KCTD9: variants seen among roughly 807,000 people sequenced by gnomAD.
KCTD9 encodes the protein BTB/POZ domain-containing protein KCTD9.
KCTD9 carries 17 observed loss-of-function variants against 53.3 expected under a neutral mutation model. That is an observed-to-expected ratio of 0.32 (90% CI 0.22 to 0.48). The LOEUF (loss-of-function observed/expected upper bound fraction) is 0.48, where lower values mean the gene tolerates loss of function less well. Ranked by LOEUF, KCTD9 falls within the 20% of genes least tolerant of loss-of-function variation. The pLI is 0.99. For missense variants in KCTD9, 179 were observed against 465.5 expected, an observed-to-expected ratio of 0.38 and a Z score of 5.66; for synonymous variants, 128 against 162.7, an observed-to-expected ratio of 0.79 and a Z score of 1.62.
At chr8:25,432,786 A>T (rs1037654309) in intron 10 of KCTD9, 149 bp from the exon 11 acceptor site, 3 of 649,594 alleles carry the variant, frequency 4.6e-6, no homozygotes, top group Non-Finnish European at 7.9e-6. Flanking sequence ...ATATATAAAC[A>T]GTTTACTGAT....
At chr8:25,458,061 T>TCCCCGAGCGC in intron 1 of KCTD9, 138 bp downstream of exon 1, 1 of 811,616 alleles carries the variant, frequency 1.2e-6, no homozygotes, top group Non-Finnish European at 1.9e-6. Context: ...CCCTGTGCTG[T>TCCCCGAGCGC]CCCCGAGCGC....
At chr8:25,441,501 AAAG>A (rs1204808435) in intron 3 of KCTD9, among the ~76,000 whole-genome samples, 8 of 152,326 alleles carry the variant, frequency 5.3e-5, no homozygotes, top group South Asian at 4.1e-4. Flanking sequence ...AAACATGCTA[AAAG>A]AAGTTTATAC....
intron 1 of KCTD9, among the ~76,000 whole-genome samples, chr8:25,454,338 CTGAATGAA>C (rs113821011): frequency 8.5e-5 from 13 of 152,128 alleles, no homozygotes; most frequent in African/African-American, 2.7e-4. Context: ...TAAGTGTTCA[CTGAATGAA>C]TGAATGAATG....
chr8:25,439,914 A>C (rs1481466616), intron 4 of KCTD9: 2 of 582,644 alleles, frequency 3.4e-6, no homozygotes, highest in Non-Finnish European at 5.3e-6. Context: ...CTATCCTGTA[A>C]GCAAATTATT....
At chr8:25,449,899 C>G (rs564905508) in intron 1 of KCTD9, among the ~76,000 whole-genome samples, 1 of 151,908 alleles carries the variant, frequency 6.6e-6, no homozygotes, top group African/African-American at 2.4e-5. Flanking sequence ...CCCAAAGTAA[C>G]AAACTGATGA....
At chr8:25,434,313 T>C (rs1801981139) in intron 9 of KCTD9, among the ~76,000 whole-genome samples, 1 of 152,188 alleles carries the variant, frequency 6.6e-6, no homozygotes, top group Admixed American at 6.5e-5. Flanking sequence ...TTGGCTAAGA[T>C]GGTCTTGACC....
intron 4 of KCTD9, chr8:25,439,889 T>A: frequency 4.7e-6 from 4 of 842,598 alleles, no homozygotes; most frequent in Non-Finnish European, 6.7e-6. Flanking sequence ...TCCTTTGCTT[T>A]AAATACTTGT....
At chr8:25,448,918 GA>G (rs201590210) in intron 1 of KCTD9, among the ~76,000 whole-genome samples, 40 of 136,820 alleles carry the variant, frequency 2.9e-4, no homozygotes, top group South Asian at 4.6e-4. Context: ...CCTTCTCCAA[GA>G]AAAAAAAAAA....
At chr8:25,453,437 C>T (rs927791812) in intron 1 of KCTD9, among the ~76,000 whole-genome samples, 1 of 151,388 alleles carries the variant, frequency 6.6e-6, no homozygotes, top group Admixed American at 6.6e-5. Context: ...TGGCGGATCA[C>T]GAAGTCAGGA....
intron 1 of KCTD9, among the ~76,000 whole-genome samples, chr8:25,448,771 C>T (rs1013439084): frequency 4.6e-5 from 7 of 151,844 alleles, no homozygotes; most frequent in East Asian, 1.9e-4. Flanking sequence ...AAAAATTAGC[C>T]GGGCGTGGTG....
At chr8:25,453,976 C>T (rs746383475) in intron 1 of KCTD9, among the ~76,000 whole-genome samples, 1 of 152,166 alleles carries the variant, frequency 6.6e-6, no homozygotes, top group Non-Finnish European at 1.5e-5. Flanking sequence ...AAATTTTCAC[C>T]TTTCTCCAAC....
chr8:25,455,168 T>G (rs915966335), intron 1 of KCTD9, among the ~76,000 whole-genome samples: 1 of 152,022 alleles, frequency 6.6e-6, no homozygotes, highest in African/African-American at 2.4e-5. Flanking sequence ...GAGGTTGCAG[T>G]GAGCTGAGAT....
chr8:25,453,945 T>A (rs2117446660), intron 1 of KCTD9, among the ~76,000 whole-genome samples: 1 of 152,328 alleles, frequency 6.6e-6, no homozygotes, highest in East Asian at 1.9e-4. Flanking sequence ...ATGTTTAGCC[T>A]TCAGAGGCAG....
intron 9 of KCTD9, among the ~76,000 whole-genome samples, chr8:25,434,096 AT>A (rs1165488746): frequency 6.6e-6 from 1 of 152,046 alleles, no homozygotes; most frequent in African/African-American, 2.4e-5. Flanking sequence ...TTAAGACTTT[AT>A]TTTTTTGTTT....
At chr8:25,433,492 C>T (rs1472044723) in intron 9 of KCTD9, 57 bp from the exon 10 acceptor site, 6 of 895,690 alleles carry the variant, frequency 6.7e-6, no homozygotes, top group Non-Finnish European at 1.0e-5. Context: ...TTCAAATTAG[C>T]TCAAACAGTA....
At chr8:25,434,424 G>C (rs991761970) in intron 9 of KCTD9, among the ~76,000 whole-genome samples, 15 of 146,342 alleles carry the variant, frequency 1.0e-4, no homozygotes, top group Non-Finnish European at 1.8e-4. Flanking sequence ...TTATCTCAAA[G>C]CGTTTTTGAC....
At chr8:25,446,312 T>A in intron 1 of KCTD9, 62 bp from the exon 2 acceptor site, 1 of 1,569,012 alleles carries the variant, frequency 6.4e-7, no homozygotes, top group East Asian at 2.3e-5. Context: ...CCATAAGTTA[T>A]AAACTACCAC....
intron 4 of KCTD9, 96 bp downstream of exon 4, chr8:25,440,481 T>G (rs1027417638): frequency 1.2e-6 from 1 of 838,156 alleles, no homozygotes; most frequent in Non-Finnish European, 2.0e-6. Context: ...TAAGCAGCAT[T>G]TGAGTATCTT....
Position 25,433,327 on chromosome 8 carries a change from C to G in KCTD9, c.919+3G>C. On this transcript the variant is annotated splice_donor_region_variant and intron_variant, in intron 10 of 11. Transcript: ENST00000221200. ...GAATAGGTATTTACAGAAAGGATCTCACCTTCTAAATTGGCTTTAAGACCA... is the reference window on the plus strand; with the variant it reads ...GAATAGGTATTTACAGAAAGGATCTGACCTTCTAAATTGGCTTTAAGACCA... The G allele has an allele frequency of 6.6e-7, 1 of 1,525,290 alleles. No homozygotes were observed. Among genetic ancestry groups the G allele is most frequent in the Non-Finnish European group, 9.1e-7 (1 of 1,104,734 alleles). 94.5% of individuals were successfully genotyped at this position (1,525,290 alleles called of 1,614,324 possible).
Sources: allele counts gnomAD v4.1 joint callset (sites outside exome capture counted in the v4.1 genomes callset), GRCh38; gene constraint gnomAD v4.1.1; transcripts MANE v1.5; gene names NCBI Gene and HGNC (gene_info 2026-07-23, HGNC 2026-07-21).